The following PTGER3 variants were observed in gnomAD, a reference collection of about 807,000 sequenced individuals.
PTGER3 encodes prostaglandin E2 receptor EP3 subtype.
A neutral mutation model predicts 34.7 loss-of-function variants in PTGER3; 22 were observed. The ratio of observed to expected loss-of-function variants is 0.63; its 90% CI spans 0.45 to 0.91. The LOEUF (loss-of-function observed/expected upper bound fraction) is 0.91. Among genes scored for constraint, PTGER3 ranks in the 40% least tolerant of loss-of-function variants. PTGER3 has a pLI of 0.00. For missense variants in PTGER3, 468 were observed against 519.4 expected (o/e 0.90, Z 0.96); for synonymous variants, 241 against 230.1 (o/e 1.05, Z -0.43).
intron 2 of PTGER3, among the ~76,000 whole-genome samples, chr1:70,993,978 T>C (rs998756018): frequency 5.3e-5 from 8 of 152,204 alleles, no homozygotes; most frequent in African/African-American, 1.7e-4. Context: ...TTTCACTCTT[T>C]ATCAGCCTCT....
intron 2 of PTGER3, chr1:71,009,380 T>C (rs5691): frequency 0.082 from 80,294 of 979,198 alleles, 3,463 homozygotes; most frequent in African/African-American, 0.15. Context: ...CTGGCATGAT[T>C]AAACACTTAC....
chr1:70,919,972 A>T (rs903553757), intron 4 of PTGER3, among the ~76,000 whole-genome samples: 1 of 152,164 alleles, frequency 6.6e-6, no homozygotes, highest in Admixed American at 6.6e-5. Flanking sequence ...TATCTTGCCA[A>T]TTATAAATGA....
intron 2 of PTGER3, among the ~76,000 whole-genome samples, chr1:70,957,165 C>T (rs1444873181): frequency 6.6e-6 from 1 of 152,124 alleles, no homozygotes; most frequent in Non-Finnish European, 1.5e-5. Context: ...TACATCTATT[C>T]GAATGTCCCC....
chr1:70,913,331 T>C (rs887857450), intron 4 of PTGER3, among the ~76,000 whole-genome samples: 14 of 152,012 alleles, frequency 9.2e-5, no homozygotes, highest in African/African-American at 3.4e-4. Flanking sequence ...AATTGACTTG[T>C]AAATTTTAAC....
chr1:71,028,943 G>A (rs1370331880), intron 1 of PTGER3, among the ~76,000 whole-genome samples: 1 of 152,066 alleles, frequency 6.6e-6, no homozygotes, highest in Non-Finnish European at 1.5e-5. Context: ...TGGATTAGTG[G>A]CTTTAGAATG....
chr1:70,872,622 C>G (rs1462064134), intron 4 of PTGER3, among the ~76,000 whole-genome samples: 1 of 152,186 alleles, frequency 6.6e-6, no homozygotes, highest in Non-Finnish European at 1.5e-5. Context: ...AGACCTCATT[C>G]TATTTGACGC....
chr1:71,007,535 C>T (rs1657078487), intron 2 of PTGER3: 1 of 985,344 alleles, frequency 1.0e-6, no homozygotes, highest in Non-Finnish European at 1.2e-6. Flanking sequence ...CTTCCAGGGC[C>T]TGGCACAAAA....
chr1:71,005,488 C>A (rs1251384269), intron 2 of PTGER3, among the ~76,000 whole-genome samples: 1 of 152,196 alleles, frequency 6.6e-6, no homozygotes, highest in Non-Finnish European at 1.5e-5. Context: ...TCTCATGATA[C>A]CATGTGCTTA....
downstream of PTGER3, among the ~76,000 whole-genome samples, chr1:70,966,972 G>A (rs949061405): frequency 6.6e-6 from 1 of 151,932 alleles, no homozygotes; most frequent in Non-Finnish European, 1.5e-5. Flanking sequence ...CCAGTAATAG[G>A]ATTACTGGGT....
At chr1:71,008,446 AG>A in intron 2 of PTGER3, 1 of 895,904 alleles carries the variant, frequency 1.1e-6, no homozygotes, top group South Asian at 5.2e-5. Flanking sequence ...GAATTATAAA[AG>A]GGAATATATC....
rs770719400 is a variant in PTGER3 at position 70,973,217 on chromosome 1, TAGATGATAGATAGATA to T, written c.1169+1064_1169+1079del. ...TATAGATAGATGATAGATAGATAGA[TAGATGATAGATAGATA>T]GATAGATAGATAGATAGATAGATAG... On this transcript the variant is annotated intron_variant, in intron 3 of 3. Coordinates refer to ENST00000306666, the MANE Select transcript of PTGER3 (RefSeq NM_198719.2). Among the ~76,000 whole-genome samples, 829 of 128,962 alleles carry T rather than the reference TAGATGATAGATAGATA, an allele frequency of 6.4e-3. 5 individuals carry two copies. Among genetic ancestry groups the T allele is most frequent in the Non-Finnish European group, 0.011 (657 of 61,374 alleles). The allele number at this position is 128,962 out of a possible 152,430, so 84.6% of individuals were successfully genotyped here.
At chr1:70,987,419 A>T (rs11803262) in intron 2 of PTGER3, among the ~76,000 whole-genome samples, 1,973 of 152,364 alleles carry the variant, frequency 0.013, 50 homozygotes, top group African/African-American at 0.045. Context: ...TATAGCTCAG[A>T]TAAAAAGAAA....
At chr1:70,980,278 G>A (rs1323112323) in intron 2 of PTGER3, among the ~76,000 whole-genome samples, 1 of 152,108 alleles carries the variant, frequency 6.6e-6, no homozygotes, top group African/African-American at 2.4e-5. Context: ...GACATAGTTT[G>A]GGGGGATTGA....
In PTGER3 at chr1:71,047,763, C is replaced by T; in HGVS notation, c.-186G>A. The T allele has an allele frequency of 3.9e-6, 2 of 513,946 alleles. No individual in the cohort carries two copies. Among genetic ancestry groups the T allele is most frequent in the Non-Finnish European group, 2.9e-6 (1 of 339,168 alleles). The allele number at this position is 513,946 out of a possible 1,614,324, so 31.8% of individuals were successfully genotyped here. ...GCGGCCGCGGCGGCGCCAGGGCTCA[C>T]TGGCCCGGGAGGGAGCCACGCCTTC... On this transcript the variant is annotated 5_prime_UTR_variant, in exon 1 of 4. In the 5' UTR this introduces an upstream ATG that the reference lacks. Transcript: ENST00000306666.
At chr1:70,900,867 G>A (rs1442560063) in intron 4 of PTGER3, among the ~76,000 whole-genome samples, 1 of 152,084 alleles carries the variant, frequency 6.6e-6, no homozygotes, top group East Asian at 1.9e-4. Context: ...TTACAAAGCA[G>A]TGAGGGTCGG....
chr1:71,028,565 GT>G (rs1276603401), intron 1 of PTGER3, among the ~76,000 whole-genome samples: 1 of 152,024 alleles, frequency 6.6e-6, no homozygotes, highest in Non-Finnish European at 1.5e-5. Context: ...TTTTTCCTTT[GT>G]TTTTTATTTT....
chr1:70,928,500 G>A (rs1017609554), intron 4 of PTGER3, among the ~76,000 whole-genome samples: 11 of 151,914 alleles, frequency 7.2e-5, no homozygotes, highest in Non-Finnish European at 1.6e-4. Context: ...AGGCATGGTG[G>A]CATGTGCTTA....
chr1:71,035,007 C>A (rs541078233), intron 1 of PTGER3, among the ~76,000 whole-genome samples: 1 of 149,932 alleles, frequency 6.7e-6, no homozygotes, highest in African/African-American at 2.5e-5. Context: ...AAGAGCCTGG[C>A]ACAATCTTGG....
chr1:70,857,732 C>T (rs896128188), intron 4 of PTGER3, among the ~76,000 whole-genome samples: 5 of 152,088 alleles, frequency 3.3e-5, no homozygotes, highest in African/African-American at 1.2e-4. Flanking sequence ...GACGGGGTTT[C>T]ACTGTGTTAG....
Sources: allele counts gnomAD v4.1 joint callset (sites outside exome capture counted in the v4.1 genomes callset), GRCh38; gene constraint gnomAD v4.1.1; transcripts MANE v1.5; gene names NCBI Gene and HGNC (gene_info 2026-07-23, HGNC 2026-07-21).